ZHX2: variants seen among roughly 807,000 people sequenced by gnomAD.
ZHX2 encodes the protein zinc fingers and homeoboxes protein 2.
ZHX2 carries 6 observed loss-of-function variants against 21.9 expected under a neutral mutation model. The ratio of observed to expected loss-of-function variants is 0.27; its 90% confidence interval spans 0.15 to 0.54. ZHX2 has a LOEUF of 0.54. ZHX2 is among the 20% of genes least tolerant of loss of function. ZHX2 has a pLI of 0.95. For synonymous variants in ZHX2, 434 were observed against 437.1 expected (o/e 0.99, Z 0.09); for missense variants, 908 against 1,090.7 (o/e 0.83, Z 2.36).
In ZHX2 at chr8:122,943,588, G is replaced by A. The variant is rs1438179362; in HGVS notation, c.-219-7704G>A. On this transcript the variant is annotated intron_variant, in intron 2 of 3. Transcript: ENST00000314393. ...CCAATTGTTCAGCCATTCCATGGTA[G>A]GGAAGAGAGGCCAAACCCAACGGGC... is the stretch of plus-strand genomic sequence containing the variant. Among the ~76,000 whole-genome samples the A allele has an allele frequency of 2.6e-5, 4 of 152,210 alleles. No individual in the cohort carries two copies. The East Asian group carries it at 5.8e-4, about 22-fold the overall frequency.
At chr8:122,944,122 C>T (rs749101107) in intron 2 of ZHX2, among the ~76,000 whole-genome samples, 2 of 152,206 alleles carry the variant, frequency 1.3e-5, no homozygotes, top group African/African-American at 4.8e-5. Context: ...TCTACTCCCC[C>T]TTTGAAGCCC....
chr8:122,860,362 C>T (rs1819134007), intron 1 of ZHX2, among the ~76,000 whole-genome samples: 1 of 152,164 alleles, frequency 6.6e-6, no homozygotes, highest in African/African-American at 2.4e-5. Context: ...TAGAATGTAA[C>T]TTGCATTATG....
At chr8:122,843,778 G>A (rs1053034917) in intron 1 of ZHX2, among the ~76,000 whole-genome samples, 4 of 152,208 alleles carry the variant, frequency 2.6e-5, no homozygotes, top group Non-Finnish European at 5.9e-5. Flanking sequence ...TGTCATGACT[G>A]AAACACTTCC....
intron 2 of ZHX2, among the ~76,000 whole-genome samples, chr8:122,947,091 G>GAAAAA (rs1455396201): frequency 2.1e-5 from 1 of 47,064 alleles, no homozygotes; most frequent in Non-Finnish European, 5.0e-5. Flanking sequence ...TCCTGTCTTT[G>GAAAAA]CAAAAAAAAA....
chr8:122,836,560 C>T (rs1818502313), intron 1 of ZHX2, among the ~76,000 whole-genome samples: 1 of 152,200 alleles, frequency 6.6e-6, no homozygotes, highest in Admixed American at 6.5e-5. Flanking sequence ...TTCCTGGGTG[C>T]AGGCGGGCTG....
rs376220816 is a variant in ZHX2 at position 122,870,121 on chromosome 8, G to A, written c.-220+6582G>A. 2.2e-4 allele frequency among the ~76,000 whole-genome samples: 33 copies of A among 152,282 alleles called. 1 individual carries two copies. The highest frequency in any genetic ancestry group is 7.7e-4 in the African/African-American group (32 of 41,550). On this transcript the variant is annotated intron_variant, in intron 2 of 3. Transcript: ENST00000314393. ...GGCAGAGGTGGCAGAGGTGGACAAA[G>A]CTTGGACATTTGGAGGCTTTGGGGA...
chr8:122,893,892 C>A (rs1175214798), intron 2 of ZHX2, among the ~76,000 whole-genome samples: 3 of 151,962 alleles, frequency 2.0e-5, no homozygotes, highest in African/African-American at 7.3e-5. Flanking sequence ...CTTGTTTTTT[C>A]TTATTTCTGT....
At chr8:122,968,663 A>C (rs1201760573) in intron 3 of ZHX2, among the ~76,000 whole-genome samples, 3 of 151,976 alleles carry the variant, frequency 2.0e-5, no homozygotes, top group African/African-American at 7.3e-5. Flanking sequence ...ACATGGTGAA[A>C]CCTCATCTCT....
chr8:122,821,596 C>A (rs17287947), intron 1 of ZHX2, among the ~76,000 whole-genome samples: 1 of 151,558 alleles, frequency 6.6e-6, no homozygotes, highest in South Asian at 2.1e-4. Context: ...AAAAGAAGAT[C>A]CCTGGACCCC....
intron 1 of ZHX2, among the ~76,000 whole-genome samples, chr8:122,857,117 C>T (rs558894156): frequency 2.7e-4 from 41 of 152,284 alleles, no homozygotes; most frequent in Non-Finnish European, 4.0e-4. Flanking sequence ...CTCCAGGTCT[C>T]GCTGCAATCT....
At chr8:122,937,944 T>TTTTTG (rs1554587252) in intron 2 of ZHX2, among the ~76,000 whole-genome samples, 2 of 127,066 alleles carry the variant, frequency 1.6e-5, no homozygotes, top group South Asian at 2.8e-4. Context: ...TTTTTTTTTT[T>TTTTTG]TTTTTTTTTT....
intron 2 of ZHX2, among the ~76,000 whole-genome samples, chr8:122,913,274 A>T (rs1820523154): frequency 6.6e-6 from 1 of 152,236 alleles, no homozygotes; most frequent in Non-Finnish European, 1.5e-5. Context: ...TTAGCCATGC[A>T]TCTGTTAATG....
At chr8:122,803,203 T>TA (rs914953406) in intron 1 of ZHX2, among the ~76,000 whole-genome samples, 1 of 151,968 alleles carries the variant, frequency 6.6e-6, no homozygotes, top group East Asian at 1.9e-4. Context: ...ACTCTACCCC[T>TA]AAAAAACAGC....
chr8:122,912,319 G>C (rs566984975), intron 2 of ZHX2, among the ~76,000 whole-genome samples: 2 of 152,316 alleles, frequency 1.3e-5, no homozygotes, highest in Admixed American at 6.5e-5. Flanking sequence ...ATGTCCACCA[G>C]CCACAGGCTG....
intron 1 of ZHX2, among the ~76,000 whole-genome samples, chr8:122,816,818 G>A (rs1014878709): frequency 2.0e-5 from 3 of 152,166 alleles, no homozygotes; most frequent in African/African-American, 7.2e-5. Flanking sequence ...GGCTATGTTA[G>A]TCAGACTGGG....
intron 2 of ZHX2, among the ~76,000 whole-genome samples, chr8:122,895,266 C>T (rs1820073257): frequency 6.6e-6 from 1 of 152,144 alleles, no homozygotes; most frequent in East Asian, 1.9e-4. Context: ...TTGGCAAGGG[C>T]ATTTGCAATT....
intron 2 of ZHX2, among the ~76,000 whole-genome samples, chr8:122,883,328 G>A (rs1819759906): frequency 6.6e-6 from 1 of 152,180 alleles, no homozygotes; most frequent in Non-Finnish European, 1.5e-5. Context: ...TGATGGGATG[G>A]AGGAGATGGA....
rs1813121193 is a variant in ZHX2, at chr8:122,951,808, C to A, written c.298C>A (p.Gln100Lys). 2.5e-6 allele frequency: 4 copies of A among 1,614,158 alleles called. No homozygotes were observed. The highest frequency in any genetic ancestry group is 3.4e-6 in the Non-Finnish European group (4 of 1,180,044). Residue 100 changes from glutamine (Q) to lysine (K), a missense_variant, in exon 3 of 4, where the codon CAG (glutamine) becomes AAG (lysine). Gln to Lys is a moderately conservative substitution (Grantham distance 53). Around this residue, in one of 4 missense-constraint regions of ZHX2, gnomAD observed 220 missense variants for 251.4 expected, o/e 0.88. Coordinates refer to ENST00000314393, the MANE Select transcript of ZHX2 (RefSeq NM_014943.5). ...CGAGTTCACGGAGCATGTCGACATG[C>A]AGCATCCCAACGTGATTCTCAACCC... ...LNEFTEHVDM[Q>K]HPNVILNPLY...
chr8:122,841,318 G>C (rs1398066777), intron 1 of ZHX2, among the ~76,000 whole-genome samples: 1 of 152,156 alleles, frequency 6.6e-6, no homozygotes, highest in Non-Finnish European at 1.5e-5. Context: ...TGTCTTTCCT[G>C]TATTCAATCC....
Sources: gnomAD v4.1 joint callset for allele counts (sites outside exome capture counted in the v4.1 genomes callset) on GRCh38, gnomAD v4.1.1 for gene constraint, gnomAD v4.1.1 regional missense constraint, MANE v1.5 for transcripts, NCBI Gene and HGNC (gene_info 2026-07-23, HGNC 2026-07-21) for gene names.